Variants in DNAH2 observed in about 807,000 individuals in gnomAD.
DNAH2 encodes the protein axonemal beta dynein heavy chain 2.
A neutral mutation model predicts 523.5 loss-of-function variants in DNAH2; 323 were observed. The observed-to-expected ratio is 0.62, with a 90% CI of 0.56 to 0.68. The LOEUF (loss-of-function observed/expected upper bound fraction) is 0.68, where lower values mean the gene tolerates loss of function less well. Ranked by LOEUF, DNAH2 falls within the 30% of genes least tolerant of loss-of-function variation. The probability of loss-of-function intolerance (pLI) is 0.00; values close to 1 mark genes in which losing one functional copy is unlikely to be tolerated. For missense variants in DNAH2, 4,907 were observed against 5,701.5 expected (o/e 0.86, Z 4.49); for synonymous variants, 2,093 against 2,177.4 (o/e 0.96, Z 1.08).
At position 7,758,949 on chromosome 17, in the gene DNAH2, T is replaced by C. The variant is rs781443943; in HGVS notation, c.2273T>C (p.Met758Thr). The change falls in exon 15 of 86, where the codon ATG (methionine) becomes ACG (threonine). Residue 758 changes from methionine to threonine, a missense_variant. Around this residue, in one of 3 missense-constraint regions of DNAH2, gnomAD observed 2,806 missense variants for 3,190.8 expected, o/e 0.88. Transcript: ENST00000572933. ...TLTIGWRAQE[M>T]SEKLLVRISG... ...ACCATTGGCTGGCGAGCCCAAGAGA[T>C]GTCAGAGAAGCTGCTGGTACGCATT... The C allele has an allele frequency of 1.3e-5, 21 of 1,614,006 alleles. No individual in the cohort carries two copies. Among genetic ancestry groups the C allele is most frequent in the Non-Finnish European group, 1.8e-5 (21 of 1,180,022 alleles).
At chr17:7,759,319 C>A in intron 15 of DNAH2, 103 bp from the exon 16 acceptor site, 1 of 1,494,126 alleles carries the variant, frequency 6.7e-7, no homozygotes. Context: ...CCTGCGTTTC[C>A]ATTAAACCAA....
At chr17:7,801,436 C>G (rs1188996562) in intron 56 of DNAH2, 142 bp from the exon 57 acceptor site, 13 of 1,192,072 alleles carry the variant, frequency 1.1e-5, no homozygotes, top group Non-Finnish European at 1.4e-5. Context: ...TCTGCAGGAA[C>G]AGAATTTGGA....
intron 2 of DNAH2, among the ~76,000 whole-genome samples, chr17:7,723,268 C>CTT (rs58689789): frequency 0.016 from 929 of 59,916 alleles, 110 homozygotes; most frequent in African/African-American, 0.05. Flanking sequence ...CTGTACCCGG[C>CTT]TTTTTTTTTT....
Position 7,832,967 on chromosome 17 carries a change from G to C in DNAH2, c.12978+39G>C, listed in dbSNP as rs369654098. ...GTGCTTGGGGCTCTGAGCAAAAGAG[G>C]GTACTGGAAATAATTGGACGAAAAG... On this transcript the variant is annotated intron_variant, in intron 84 of 85. Coordinates refer to ENST00000572933, the MANE Select transcript of DNAH2 (RefSeq NM_020877.5). This position sits in a 1 kb window ranked among gnomAD's most constrained non-coding sequence, Gnocchi z 4.3. The C allele has an allele frequency of 3.1e-6, 5 of 1,614,002 alleles. No homozygotes were observed. The highest frequency in any genetic ancestry group is 4.2e-6 in the Non-Finnish European group (5 of 1,179,950).
intron 69 of DNAH2, 80 bp from the exon 70 acceptor site, chr17:7,818,563 G>A: frequency 3.1e-6 from 5 of 1,599,948 alleles, no homozygotes; most frequent in East Asian, 2.2e-5. Flanking sequence ...AGGATGAGGG[G>A]TCTTTCAAGG....
At chr17:7,787,782 C>A in intron 42 of DNAH2, 78 bp from the exon 43 acceptor site, 1 of 1,458,822 alleles carries the variant, frequency 6.9e-7, no homozygotes, top group East Asian at 2.3e-5. Flanking sequence ...TTGTAGCATC[C>A]GAGTTCCGGG....
intron 49 of DNAH2, among the ~76,000 whole-genome samples, chr17:7,794,609 A>C (rs1434882272): frequency 6.6e-6 from 1 of 152,206 alleles, no homozygotes; most frequent in Admixed American, 6.5e-5. Flanking sequence ...GTGAAGCCCA[A>C]GTAGACTAAG....
rs776128215 is a variant in DNAH2 at position 7,818,449 on chromosome 17, G to C, written c.10525G>C (p.Val3509Leu). The change falls in exon 69 of 86, where the codon GTT (valine) becomes CTT (leucine). Residue 3509 changes from valine to leucine, a missense_variant. This residue lies in a region of DNAH2 where 1,851 missense variants were observed against 2,139.4 expected (regional missense o/e 0.87). Coordinates refer to ENST00000572933, the MANE Select transcript of DNAH2 (RefSeq NM_020877.5). The part of the protein sequence containing the change: ...SAKTTIVNFA[V>L]KEQGLEAQLL... ...CAAGACCACCATCGTCAACTTTGCT[G>C]TTAAAGAACAGGTGGGTACAGGCTG... The C allele has an allele frequency of 1.1e-5, 18 of 1,614,220 alleles. No homozygotes were observed. The highest frequency in any genetic ancestry group is 1.2e-5 in the Non-Finnish European group (14 of 1,180,042).
intron 12 of DNAH2, among the ~76,000 whole-genome samples, chr17:7,749,306 C>A (rs1567636660): frequency 0.24 from 824 of 3,468 alleles, 276 homozygotes; most frequent in East Asian, 0.57. Context: ...TAAACTCCCC[C>A]CCAAAAAAAA....
chr17:7,802,196 A>G (rs1011161097), intron 58 of DNAH2, among the ~76,000 whole-genome samples, 179 bp downstream of exon 58: 1 of 152,144 alleles, frequency 6.6e-6, no homozygotes, highest in Admixed American at 6.5e-5. Context: ...CCTTCTGGCT[A>G]TGTCCCCCTC....
rs779456012 is a variant in DNAH2, at chr17:7,768,272, G to A, written c.3941+5G>A. On this transcript the variant is annotated splice_donor_5th_base_variant and intron_variant, in intron 24 of 85. Transcript: ENST00000572933. ...GAACCCTGCCCTTAGAGAGAGGTGA[G>A]GCTTCTCCTCTGCTCCGGGGTGTCC... 34 of 1,613,878 alleles carry A rather than the reference G, an allele frequency of 2.1e-5. No homozygotes were observed. Among genetic ancestry groups the A allele is most frequent in the Non-Finnish European group, 2.9e-5 (34 of 1,179,892 alleles).
chr17:7,793,459 C>CTTTCTT (rs1375221162), intron 48 of DNAH2, among the ~76,000 whole-genome samples: 5 of 110,980 alleles, frequency 4.5e-5, no homozygotes. Context: ...TTCTTTCTTT[C>CTTTCTT]TTTCTTTCTT....
rs565678449 is a variant in DNAH2, at chr17:7,793,186, A to C, written c.7550A>C (p.Gln2517Pro). ...GGCTTCTGGTATGACCGTACGAAGC[A>C]GACCATCAAGTACATTCGAGTAAGC... ...DYGFWYDRTK[Q>P]TIKYIREMFL... Residue 2517 changes from glutamine (Q) to proline (P), a missense_variant, in exon 48 of 86, where the codon CAG becomes CCG. Around this residue, in one of 3 missense-constraint regions of DNAH2, gnomAD observed 250 missense variants for 371.3 expected, o/e 0.67. Transcript: ENST00000572933. 9.9e-6 allele frequency: 16 copies of C among 1,614,066 alleles called. No individual in the cohort carries two copies. The South Asian group carries it at 1.5e-4, about 16-fold the overall frequency.
In DNAH2 at chr17:7,787,963, C is replaced by T. The variant is rs756243337; in HGVS notation, c.6707C>T (p.Pro2236Leu). ...GACTACGCTGACCTGGGCTGGAAGC[C>T]CTATGTTCAGTCATGGCTGGAGAAG... ...YTDYADLGWK[P>L]YVQSWLEKRP... is the part of the protein sequence containing the mutation. Residue 2236 changes from proline to leucine, a missense_variant, in exon 43 of 86, where the codon CCC (proline) becomes CTC (leucine). Coordinates refer to ENST00000572933, the MANE Select transcript of DNAH2 (RefSeq NM_020877.5). 37 of 1,613,992 alleles carry T rather than the reference C, an allele frequency of 2.3e-5. No individual in the cohort carries two copies. The Admixed American group carries it at 5.0e-4, about 22-fold the overall frequency.
Position 7,758,543 on chromosome 17 carries a change from T to C in DNAH2, c.2100T>C (p.Arg700=). The change falls in exon 14 of 86, where the codon CGT becomes CGC. Residue 700 remains arginine (R), a synonymous_variant. Coordinates refer to ENST00000572933, the MANE Select transcript of DNAH2 (RefSeq NM_020877.5). ...SPDEQALFKE[R]IRLLDKKIHP... is the part of the protein sequence containing the mutation. ...ATGAGCAGGCCCTATTCAAAGAGCG[T>C]ATTCGGCTCCTGGATAAGAAGATCC... The C allele has an allele frequency of 6.2e-7, 1 of 1,614,166 alleles. No individual in the cohort carries two copies. Among genetic ancestry groups the C allele is most frequent in the African/African-American group, 1.3e-5 (1 of 75,038 alleles).
intron 3 of DNAH2, among the ~76,000 whole-genome samples, chr17:7,725,240 C>A (rs2074759976): frequency 6.6e-6 from 1 of 150,610 alleles, no homozygotes; most frequent in Non-Finnish European, 1.5e-5. Flanking sequence ...CAGGCACACG[C>A]CACCATGCTG....
At position 7,780,519 on chromosome 17, in the gene DNAH2, C is replaced by T; in HGVS notation, c.5851-111C>T. 6.6e-7 allele frequency: 1 copy of T among 1,508,152 alleles called. No individual in the cohort carries two copies. Among genetic ancestry groups the T allele is most frequent in the African/African-American group, 1.4e-5 (1 of 72,638 alleles). 93.4% of individuals were successfully genotyped at this position (1,508,152 alleles called of 1,614,324 possible). On this transcript the variant is annotated intron_variant, in intron 37 of 85. Coordinates refer to ENST00000572933, the MANE Select transcript of DNAH2 (RefSeq NM_020877.5). This position sits in a 1 kb window ranked among gnomAD's most constrained non-coding sequence, Gnocchi z 4.4. ...CCTCAGGAGAATCCATAGAGTGCCT[C>T]CTAGCTGCTTCATGTCCTGGGACCT...
Position 7,754,404 on chromosome 17 carries a change from C to T in DNAH2, c.1905-2687C>T. On this transcript the variant is annotated intron_variant, in intron 12 of 85. Transcript: ENST00000572933. The surrounding 1 kb of genome is among the most constrained non-coding windows in gnomAD (Gnocchi z 4.6). ...GCTTAAGGTGCAGACATGGCCAAGT[C>T]CACACCATACACCACCAGTCCCGAA... 2 of 621,928 alleles carry T rather than the reference C, an allele frequency of 3.2e-6. No homozygotes were observed. The highest frequency in any genetic ancestry group is 5.7e-6 in the Non-Finnish European group (2 of 349,300). The allele number at this position is 621,928 out of a possible 1,614,324, so 38.5% of individuals were successfully genotyped here.
rs145226741 is a variant in DNAH2, at chr17:7,833,189, G to A, written c.13097G>A (p.Arg4366Gln). The A allele has an allele frequency of 3.1e-5, 50 of 1,608,218 alleles. 1 individual carries two copies. The African/African-American group carries it at 3.6e-4, about 12-fold the overall frequency. ...TGCCTCATGCCCACGATCCACTTCCGGCCTGCAGAGAGCCGCAAGAAGAGC... is the reference window on the plus strand; with the variant it reads ...TGCCTCATGCCCACGATCCACTTCCAGCCTGCAGAGAGCCGCAAGAAGAGC... ...LVCLMPTIHFRPAESRKKSAK... is the reference protein window; with the variant it reads ...LVCLMPTIHFQPAESRKKSAK... Residue 4366 changes from arginine (R) to glutamine (Q), a missense_variant, in exon 85 of 86, where the codon CGG becomes CAG. Coordinates refer to ENST00000572933, the MANE Select transcript of DNAH2 (RefSeq NM_020877.5).
Sources: allele counts gnomAD v4.1 joint callset (sites outside exome capture counted in the v4.1 genomes callset), GRCh38; gene constraint gnomAD v4.1.1; regional missense constraint gnomAD v4.1.1; non-coding constraint Gnocchi (gnomAD v3.1); transcripts MANE v1.5; gene names NCBI Gene and HGNC (gene_info 2026-07-23, HGNC 2026-07-21).